MICU2: variants seen among roughly 807,000 people sequenced by gnomAD.
MICU2 encodes calcium uptake protein 2, mitochondrial.
Under a neutral mutation model 60.4 loss-of-function variants are expected in MICU2, and 64 were observed. The observed-to-expected ratio is 1.06, with a 90% CI of 0.87 to 1.31. The LOEUF (loss-of-function observed/expected upper bound fraction) is 1.31. Among genes scored for constraint, MICU2 ranks in the 50% most tolerant of loss-of-function variants. The probability of loss-of-function intolerance (pLI) is 0.00; values close to 1 mark genes in which losing one functional copy is unlikely to be tolerated. For missense variants in MICU2, 569 were observed against 531.0 expected (o/e 1.07, Z -0.70); for synonymous variants, 201 against 175.0 (o/e 1.15, Z -1.17).
chr13:21,572,665 A>T (rs1271973492), intron 1 of MICU2, among the ~76,000 whole-genome samples: 1 of 152,234 alleles, frequency 6.6e-6, no homozygotes, highest in Non-Finnish European at 1.5e-5. Context: ...CCCTTCCCAC[A>T]TGCCTAAGGC....
intron 5 of MICU2, among the ~76,000 whole-genome samples, chr13:21,521,747 A>G (rs377108882): frequency 1.3e-5 from 2 of 152,214 alleles, no homozygotes; most frequent in African/African-American, 4.8e-5. Flanking sequence ...GAAATTTTGT[A>G]AAGATAGTAC....
At chr13:21,573,023 G>A (rs941920635) in intron 1 of MICU2, among the ~76,000 whole-genome samples, 2 of 151,874 alleles carry the variant, frequency 1.3e-5, no homozygotes, top group Admixed American at 6.6e-5. Flanking sequence ...CCTCATACTC[G>A]ACTAATGCCA....
chr13:21,493,613 G>A (rs1885916897), intron 11 of MICU2, among the ~76,000 whole-genome samples: 1 of 152,146 alleles, frequency 6.6e-6, no homozygotes, highest in Non-Finnish European at 1.5e-5. Context: ...AGAGGGTAAT[G>A]AAGACTTTGG....
At chr13:21,532,689 G>A (rs1350709353) in intron 4 of MICU2, among the ~76,000 whole-genome samples, 1 of 152,222 alleles carries the variant, frequency 6.6e-6, no homozygotes, top group Non-Finnish European at 1.5e-5. Context: ...GGGCTGTTCT[G>A]ATGTAGATAA....
intron 1 of MICU2, among the ~76,000 whole-genome samples, chr13:21,575,420 T>C (rs1454947883): frequency 7.8e-6 from 1 of 128,540 alleles, no homozygotes; most frequent in Non-Finnish European, 1.8e-5. Flanking sequence ...TTTCGAATGA[T>C]TAAAAAAAAA....
At chr13:21,510,562 G>A (rs996074740) in intron 7 of MICU2, among the ~76,000 whole-genome samples, 5 of 152,264 alleles carry the variant, frequency 3.3e-5, no homozygotes, top group Middle Eastern at 3.4e-3. Context: ...AACGTAATGA[G>A]TGAGGCAGAT....
At chr13:21,499,535 C>G (rs765402898) in intron 9 of MICU2, among the ~76,000 whole-genome samples, 8 of 151,468 alleles carry the variant, frequency 5.3e-5, no homozygotes, top group Non-Finnish European at 1.0e-4. Flanking sequence ...CTCTGCCTCC[C>G]GAGTAGCTGG....
chr13:21,599,207 A>T (rs1345657236), intron 1 of MICU2, among the ~76,000 whole-genome samples: 3 of 152,232 alleles, frequency 2.0e-5, no homozygotes, highest in African/African-American at 7.2e-5. Context: ...CACTTTTATT[A>T]TTTAAATTCC....
intron 4 of MICU2, among the ~76,000 whole-genome samples, chr13:21,532,104 T>C (rs2798266): frequency 0.35 from 53,742 of 152,008 alleles, 10,039 homozygotes; most frequent in Non-Finnish European, 0.42. Flanking sequence ...CCCCTATACG[T>C]AGAGGGCGAA....
chr13:21,518,257 G>A (rs1373053893), intron 6 of MICU2, among the ~76,000 whole-genome samples: 4 of 152,168 alleles, frequency 2.6e-5, no homozygotes, highest in Non-Finnish European at 5.9e-5. Flanking sequence ...GGTACAATAA[G>A]GACTGTATGG....
chr13:21,596,635 G>C (rs181048683), intron 1 of MICU2, among the ~76,000 whole-genome samples: 2 of 152,034 alleles, frequency 1.3e-5, no homozygotes, highest in Non-Finnish European at 2.9e-5. Context: ...CGTTGGCCAG[G>C]CTGGTTTCAA....
chr13:21,598,837 G>A (rs1888753788), intron 1 of MICU2, among the ~76,000 whole-genome samples: 1 of 152,188 alleles, frequency 6.6e-6, no homozygotes, highest in South Asian at 2.1e-4. Flanking sequence ...GCCAATATAT[G>A]ATTCTAGCTT....
At chr13:21,597,081 AAGAC>A (rs1888710499) in intron 1 of MICU2, among the ~76,000 whole-genome samples, 2 of 152,218 alleles carry the variant, frequency 1.3e-5, no homozygotes, top group South Asian at 2.1e-4. Context: ...TTGCTATATA[AAGAC>A]AAATATAAAT....
chr13:21,495,638 C>T (rs182875667), intron 10 of MICU2: 19 of 242,074 alleles, frequency 7.8e-5, no homozygotes, highest in East Asian at 5.7e-4. Context: ...CGGGTTCAAG[C>T]GATTCTCTTG....
At chr13:21,513,059 T>C (rs1020045080) in intron 7 of MICU2, among the ~76,000 whole-genome samples, 1 of 152,256 alleles carries the variant, frequency 6.6e-6, no homozygotes, top group African/African-American at 2.4e-5. Flanking sequence ...TGACTGATTT[T>C]TGTACATTTT....
chr13:21,511,654 T>C (rs983120437), intron 7 of MICU2, among the ~76,000 whole-genome samples: 1 of 152,176 alleles, frequency 6.6e-6, no homozygotes, highest in African/African-American at 2.4e-5. Flanking sequence ...ACCACAAGGA[T>C]TCCTCATGTT....
intron 1 of MICU2, among the ~76,000 whole-genome samples, chr13:21,583,313 T>G (rs986294544): frequency 1.3e-5 from 2 of 152,208 alleles, no homozygotes; most frequent in African/African-American, 2.4e-5. Context: ...CTTCAATCAC[T>G]GATAAAAAGT....
At chr13:21,507,670 C>G (rs918638474) in intron 8 of MICU2, among the ~76,000 whole-genome samples, 2 of 150,224 alleles carry the variant, frequency 1.3e-5, no homozygotes, top group Non-Finnish European at 2.9e-5. Context: ...GTGGCGCAGT[C>G]TTGGCTCATT....
At chr13:21,516,183 A>T (rs1382375313) in intron 6 of MICU2, among the ~76,000 whole-genome samples, 1 of 152,166 alleles carries the variant, frequency 6.6e-6, no homozygotes, top group African/African-American at 2.4e-5. Flanking sequence ...GCCAATTTTG[A>T]CAAAGTTTCT....
Sources: gnomAD v4.1 joint callset for allele counts (sites outside exome capture counted in the v4.1 genomes callset) on GRCh38, gnomAD v4.1.1 for gene constraint, MANE v1.5 for transcripts, NCBI Gene and HGNC (gene_info 2026-07-23, HGNC 2026-07-21) for gene names.